LGR5: variants seen among roughly 807,000 people sequenced by gnomAD.
The protein encoded by LGR5 is leucine rich repeat containing G protein-coupled receptor 5, also known as leucine-rich repeat-containing G protein-coupled receptor 5.
In LGR5, 54 loss-of-function variants were observed where a neutral mutation model predicts 76.7. The ratio of observed to expected loss-of-function variants is 0.70; its 90% confidence interval spans 0.57 to 0.88. LGR5 has a LOEUF of 0.88. LGR5 is among the 40% of genes least tolerant of loss of function. The probability of loss-of-function intolerance (pLI) is 0.00; values close to 1 mark genes in which losing one functional copy is unlikely to be tolerated. For synonymous variants in LGR5, 406 were observed against 421.9 expected (o/e 0.96, Z 0.46); for missense variants, 1,078 against 1,073.3 (o/e 1.00, Z -0.06).
At chr12:71,470,549 T>C (rs1296739361) in intron 1 of LGR5, among the ~76,000 whole-genome samples, 2 of 151,482 alleles carry the variant, frequency 1.3e-5, no homozygotes, top group Non-Finnish European at 2.9e-5. Flanking sequence ...TATATGTCTT[T>C]ATGTATGTAG....
intron 2 of LGR5, among the ~76,000 whole-genome samples, chr12:71,516,212 T>C (rs1875427302): frequency 6.6e-6 from 1 of 152,132 alleles, no homozygotes; most frequent in South Asian, 2.1e-4. Context: ...AAGAACCGTT[T>C]CATTTTTTTT....
intron 11 of LGR5, among the ~76,000 whole-genome samples, chr12:71,567,854 CCCCAT>C (rs1005105592): frequency 1.3e-5 from 2 of 152,008 alleles, no homozygotes; most frequent in African/African-American, 4.8e-5. Flanking sequence ...CTTTGCCCTA[CCCCAT>C]CCCACCCCAT....
chr12:71,485,933 T>A (rs535873975), intron 1 of LGR5, among the ~76,000 whole-genome samples: 1 of 152,048 alleles, frequency 6.6e-6, no homozygotes, highest in Non-Finnish European at 1.5e-5. Context: ...ACTCAGCTAA[T>A]TTTTTGTATT....
intron 15 of LGR5, among the ~76,000 whole-genome samples, chr12:71,579,507 A>AT (rs975084947): frequency 6.6e-6 from 1 of 152,108 alleles, no homozygotes; most frequent in African/African-American, 2.4e-5. Flanking sequence ...TAATGTTTTT[A>AT]TTTTTTATGG....
intron 16 of LGR5, 141 bp downstream of exon 16, chr12:71,580,564 G>A: frequency 2.5e-6 from 2 of 784,330 alleles, no homozygotes; most frequent in Non-Finnish European, 4.1e-6. Flanking sequence ...GGGAGGCCGA[G>A]GCAGATGGAT....
chr12:71,478,978 C>T (rs575825661), intron 1 of LGR5, among the ~76,000 whole-genome samples: 88 of 152,280 alleles, frequency 5.8e-4, no homozygotes, highest in South Asian at 1.7e-3. Context: ...AGGACATTTT[C>T]ACTTTAAGAA....
At chr12:71,527,769 A>T (rs2137349853) in intron 3 of LGR5, among the ~76,000 whole-genome samples, 1 of 152,302 alleles carries the variant, frequency 6.6e-6, no homozygotes, top group African/African-American at 2.4e-5. Flanking sequence ...GAGAGGACAA[A>T]AACATTCAAA....
intron 1 of LGR5, among the ~76,000 whole-genome samples, chr12:71,467,644 T>A (rs578215029): frequency 6.6e-6 from 1 of 152,306 alleles, no homozygotes; most frequent in East Asian, 1.9e-4. Context: ...AAAAAATATC[T>A]TAGAATGATG....
chr12:71,504,707 A>G (rs1225817103), intron 2 of LGR5, 22 bp downstream of exon 2: 1 of 1,564,030 alleles, frequency 6.4e-7, no homozygotes, highest in Non-Finnish European at 8.8e-7. Flanking sequence ...TGTAGTCTTG[A>G]TGCATCCAGT....
At chr12:71,578,969 C>G in intron 15 of LGR5, 40 bp downstream of exon 15, 1 of 1,553,074 alleles carries the variant, frequency 6.4e-7, no homozygotes, top group Non-Finnish European at 8.7e-7. Flanking sequence ...CATTTGTGGT[C>G]ATGTGAAATA....
intron 1 of LGR5, among the ~76,000 whole-genome samples, chr12:71,456,048 A>G (rs1296935673): frequency 5.3e-5 from 8 of 152,194 alleles, no homozygotes; most frequent in Non-Finnish European, 1.2e-4. Context: ...CCAGTTTCAC[A>G]TGATGGAACA....
At chr12:71,522,821 G>C (rs1875792630) in intron 2 of LGR5, among the ~76,000 whole-genome samples, 1 of 152,108 alleles carries the variant, frequency 6.6e-6, no homozygotes, top group African/African-American at 2.4e-5. Context: ...TTTTGGATCT[G>C]GAAGGGACCC....
chr12:71,514,533 A>G (rs1254363089), intron 2 of LGR5, among the ~76,000 whole-genome samples: 2 of 146,880 alleles, frequency 1.4e-5, no homozygotes, highest in African/African-American at 5.0e-5. Context: ...GCGCCACTGC[A>G]CTCCAGCCTG....
At chr12:71,554,040 C>A (rs868456169) in intron 5 of LGR5, among the ~76,000 whole-genome samples, 3 of 152,078 alleles carry the variant, frequency 2.0e-5, no homozygotes, top group Non-Finnish European at 4.4e-5. Context: ...CAAGATTGTG[C>A]CACTGCACTC....
At chr12:71,519,831 A>G (rs1199956209) in intron 2 of LGR5, among the ~76,000 whole-genome samples, 1 of 151,270 alleles carries the variant, frequency 6.6e-6, no homozygotes, top group Non-Finnish European at 1.5e-5. Context: ...TTTCAAAAAA[A>G]TAATAATAAT....
chr12:71,533,178 C>A (rs1189041057), intron 3 of LGR5, among the ~76,000 whole-genome samples: 1 of 151,968 alleles, frequency 6.6e-6, no homozygotes, highest in Non-Finnish European at 1.5e-5. Flanking sequence ...AACCCCATCT[C>A]TACTAAAAAT....
At chr12:71,552,365 G>A (rs1243309298) in intron 4 of LGR5, among the ~76,000 whole-genome samples, 1 of 152,120 alleles carries the variant, frequency 6.6e-6, no homozygotes, top group Non-Finnish European at 1.5e-5. Context: ...AGGAGTTCGA[G>A]ACCAACCTGG....
At position 71,463,709 on chromosome 12, in the gene LGR5, G is replaced by T. The variant is rs139819111; in HGVS notation, c.212+23417G>T. ...CAGAAAATATTAACACAAGGTAATT[G>T]ATCATTCTACTGTATACTTGTAAAG... On this transcript the variant is annotated intron_variant, in intron 1 of 17. Coordinates refer to ENST00000266674, the MANE Select transcript of LGR5 (RefSeq NM_003667.4). Among the ~76,000 whole-genome samples, 248 of 152,148 alleles carry T rather than the reference G, an allele frequency of 1.6e-3. 3 individuals carry two copies. In the East Asian group the frequency reaches 0.026, roughly 16 times the overall value.
At chr12:71,495,959 A>G (rs1874295430) in intron 1 of LGR5, among the ~76,000 whole-genome samples, 2 of 152,250 alleles carry the variant, frequency 1.3e-5, no homozygotes, top group Admixed American at 6.5e-5. Context: ...CTTTGCAAAA[A>G]AAGGGTATCC....
Sources: gnomAD v4.1 joint callset for allele counts (sites outside exome capture counted in the v4.1 genomes callset) on GRCh38, gnomAD v4.1.1 for gene constraint, MANE v1.5 for transcripts, NCBI Gene and HGNC (gene_info 2026-07-23, HGNC 2026-07-21) for gene names.